The following COL9A2 variants were observed in gnomAD, a reference collection of about 807,000 sequenced individuals.
The protein encoded by COL9A2 is collagen type IX alpha 2 chain, also known as collagen alpha-2(IX) chain.
Under a neutral mutation model 111.6 loss-of-function variants are expected in COL9A2, and 66 were observed. That is an observed-to-expected ratio of 0.59 (90% CI 0.48 to 0.73). The LOEUF is 0.73. Ranked by LOEUF, COL9A2 falls within the 30% of genes least tolerant of loss-of-function variation. COL9A2 has a pLI of 0.00. For synonymous variants in COL9A2, 353 were observed against 364.1 expected (o/e 0.97, Z 0.35); for missense variants, 881 against 954.1 (o/e 0.92, Z 1.01).
intron 16 of COL9A2, 91 bp downstream of exon 16, chr1:40,309,847 G>A (rs1644090906): frequency 4.0e-6 from 5 of 1,244,812 alleles, no homozygotes; most frequent in Non-Finnish European, 5.9e-6. Flanking sequence ...ACACACTCAT[G>A]CACTCTCACA....
At position 40,304,325 on chromosome 1, in the gene COL9A2, C is replaced by G. The variant is rs375240237; in HGVS notation, c.1282G>C (p.Asp428His). Residue 428 changes from aspartate to histidine, a missense_variant, in exon 24 of 32, where the codon GAC (aspartate) becomes CAC (histidine). Asp to His is a moderately conservative substitution (Grantham distance 81). Transcript: ENST00000372748. ...TTCCCAGCCCCATCTGGCACCTTGT[C>G]TCCTTTGACGCCTGGCAAGCCTTGG... is the stretch of plus-strand genomic sequence containing the variant. ...GPQGLPGVKGDKGSPGKTGPR... is the reference protein window; with the variant it reads ...GPQGLPGVKGHKGSPGKTGPR... 9.7e-5 allele frequency: 151 copies of G among 1,561,060 alleles called. No individual in the cohort carries two copies. The highest frequency in any genetic ancestry group is 1.2e-4 in the Non-Finnish European group (142 of 1,151,906).
Position 40,307,613 on chromosome 1 carries a change from A to G in COL9A2, c.954+90T>C. On this transcript the variant is annotated intron_variant, in intron 18 of 31. Coordinates refer to ENST00000372748, the MANE Select transcript of COL9A2 (RefSeq NM_001852.4). This position sits in a 1 kb window ranked among gnomAD's most constrained non-coding sequence, Gnocchi z 4.8. The stretch of plus-strand genomic sequence containing the variant: ...TCCAGAGGCAAGAAAGGGCATGTCC[A>G]TGACCTGAGGACCCCAGGCTCTTGG... 5 of 1,587,830 alleles carry G rather than the reference A, an allele frequency of 3.1e-6. No individual in the cohort carries two copies. Among genetic ancestry groups the G allele is most frequent in the South Asian group, 1.1e-5 (1 of 89,218 alleles).
intron 19 of COL9A2, among the ~76,000 whole-genome samples, chr1:40,306,621 AG>A (rs960973291): frequency 7.8e-6 from 1 of 127,912 alleles, no homozygotes; most frequent in Non-Finnish European, 1.6e-5. Context: ...CATTTCAAAC[AG>A]AGGGACCAGC....
chr1:40,304,466 C>T lies in COL9A2; in HGVS notation c.1215+10G>A. 6.2e-7 allele frequency: 1 copy of T among 1,614,150 alleles called. No homozygotes were observed. On this transcript the variant is annotated intron_variant, in intron 23 of 31. Coordinates refer to ENST00000372748, the MANE Select transcript of COL9A2 (RefSeq NM_001852.4). Reference sequence around the variant, plus strand: ...TGACGCCCTGCCCACCTTAGCTGGCCTGCACTCACCTGCCTTCCCTGAGGG... The same window carrying T: ...TGACGCCCTGCCCACCTTAGCTGGCTTGCACTCACCTGCCTTCCCTGAGGG...
chr1:40,304,046 A>G lies in COL9A2; in HGVS notation c.1323+18T>C, dbSNP rs186166446. 6.3e-7 allele frequency: 1 copy of G among 1,578,888 alleles called. No homozygotes were observed. Among genetic ancestry groups the G allele is most frequent in the East Asian group, 2.3e-5 (1 of 43,486 alleles). Reference sequence around the variant, plus strand: ...AGCAGGGTTGGGGGTCGCTGGGAACAGGGGTGCTGGAACTCACCACTTTGC... The same window carrying G: ...AGCAGGGTTGGGGGTCGCTGGGAACGGGGGTGCTGGAACTCACCACTTTGC... On this transcript the variant is annotated intron_variant, in intron 25 of 31. Coordinates refer to ENST00000372748, the MANE Select transcript of COL9A2 (RefSeq NM_001852.4).
Position 40,300,963 on chromosome 1 carries a change from C to T in COL9A2, c.*219G>A. On this transcript the variant is annotated 3_prime_UTR_variant, in exon 32 of 32. Coordinates refer to ENST00000372748, the MANE Select transcript of COL9A2 (RefSeq NM_001852.4). This position sits in a 1 kb window ranked among gnomAD's most constrained non-coding sequence, Gnocchi z 4.4. ...TCCTTCAGCGCTTCGACTCCATCGA[C>T]ACCACTTGCCCTGTGTGTTGGCCTC... is the stretch of plus-strand genomic sequence containing the variant. 1 of 559,798 alleles carries T rather than the reference C, an allele frequency of 1.8e-6. No homozygotes were observed. The highest frequency in any genetic ancestry group is 3.2e-6 in the Non-Finnish European group (1 of 313,348). The allele number at this position is 559,798 out of a possible 1,614,324, so 34.7% of individuals were successfully genotyped here. A position where few individuals can be genotyped will look rare whatever the true frequency, so the allele number is the denominator to read the frequency against.
chr1:40,308,715 T>C (rs147110353), intron 16 of COL9A2, among the ~76,000 whole-genome samples: 1 of 152,182 alleles, frequency 6.6e-6, no homozygotes, highest in Non-Finnish European at 1.5e-5. Context: ...TGAGAATGAG[T>C]GCTTATTGTT....
chr1:40,312,667 T>C lies in COL9A2; in HGVS notation c.304-58A>G. 1 of 1,599,204 alleles carries C rather than the reference T, an allele frequency of 6.3e-7. No individual in the cohort carries two copies. ...GGGTTTCCCCGGCTCCTACTTCCTC[T>C]CTACAGCCACTCCCAAACGCTGGCC... On this transcript the variant is annotated intron_variant, in intron 5 of 31. Coordinates refer to ENST00000372748, the MANE Select transcript of COL9A2 (RefSeq NM_001852.4). The surrounding 1 kb of genome is among the most constrained non-coding windows in gnomAD (Gnocchi z 6.0).
In COL9A2 at chr1:40,312,257, G is replaced by T; in HGVS notation, c.364-145C>A. On this transcript the variant is annotated intron_variant, in intron 7 of 31. Coordinates refer to ENST00000372748, the MANE Select transcript of COL9A2 (RefSeq NM_001852.4). This position sits in a 1 kb window ranked among gnomAD's most constrained non-coding sequence, Gnocchi z 6.0. Reference sequence around the variant, plus strand: ...ACCCCAGAGAGACTGACAGACTGAGGCTTTAAGGACCAGAGAATTGCAGAG... The same window carrying T: ...ACCCCAGAGAGACTGACAGACTGAGTCTTTAAGGACCAGAGAATTGCAGAG... The T allele has an allele frequency of 2.0e-6, 2 of 1,023,032 alleles. No individual in the cohort carries two copies. Among genetic ancestry groups the T allele is most frequent in the Non-Finnish European group, 3.0e-6 (2 of 677,402 alleles). 63.4% of individuals were successfully genotyped at this position (1,023,032 alleles called of 1,614,324 possible). A position where few individuals can be genotyped will look rare whatever the true frequency, so the allele number is the denominator to read the frequency against.
In COL9A2 at chr1:40,304,805, T is replaced by G. The variant is rs145327896; in HGVS notation, c.1150A>C (p.Met384Leu). 2,041 of 1,550,918 alleles carry G rather than the reference T, an allele frequency of 1.3e-3. 22 individuals are homozygous for G. The African/African-American group carries it at 0.023, about 18-fold the overall frequency. The change falls in exon 22 of 32, where the codon ATG becomes CTG. Residue 384 changes from methionine to leucine, a missense_variant. By Grantham distance (15) the Met-to-Leu change is conservative. Coordinates refer to ENST00000372748, the MANE Select transcript of COL9A2 (RefSeq NM_001852.4). Reference sequence around the variant, plus strand: ...TGCCAGGCACTTACCTTCTGTCCCATGATGCCCTGGGGACCAATTTCTCCT... The same window carrying G: ...TGCCAGGCACTTACCTTCTGTCCCAGGATGCCCTGGGGACCAATTTCTCCT... ...PRGEIGPQGIMGQKGDQGERG... is the reference protein window; with the variant it reads ...PRGEIGPQGILGQKGDQGERG...
Position 40,307,495 on chromosome 1 carries a change from C to T in COL9A2, c.959G>A (p.Ser320Asn), listed in dbSNP as rs1644048891. 2 of 1,614,204 alleles carry T rather than the reference C, an allele frequency of 1.2e-6. No individual in the cohort carries two copies. Among genetic ancestry groups the T allele is most frequent in the African/African-American group, 1.3e-5 (1 of 75,066 alleles). ...GTPGTPGMKG[S>N]AGQAGQPGSP... ...TCCGGGCTGTCCCGCCTGTCCTGCA[C>T]TGCCCTGGGATAGACAGATAACCAA... Residue 320 changes from serine (S) to asparagine (N), a missense_variant, in exon 19 of 32, where the codon AGT becomes AAT. By Grantham distance (46) the Ser-to-Asn change is conservative (BLOSUM62 1). Transcript: ENST00000372748. This position sits in a 1 kb window ranked among gnomAD's most constrained non-coding sequence, Gnocchi z 4.8.
chr1:40,311,276 T>G lies in COL9A2; in HGVS notation c.530A>C (p.Asn177Thr). The G allele has an allele frequency of 6.2e-7, 1 of 1,614,074 alleles. No individual in the cohort carries two copies. Among genetic ancestry groups the G allele is most frequent in the Non-Finnish European group, 8.5e-7 (1 of 1,179,978 alleles). ...GGGACCTTTCATTCCGGGTGGACAG[T>G]TGGTTGGACACTGGAAACAGAAAAT... The part of the protein sequence containing the change: ...EGSADFLCPT[N>T]CPPGMKGPPG... Residue 177 changes from asparagine (N) to threonine (T), a missense_variant, in exon 11 of 32, where the codon AAC (asparagine) becomes ACC (threonine). By Grantham distance (65) the Asn-to-Thr change is moderately conservative. Coordinates refer to ENST00000372748, the MANE Select transcript of COL9A2 (RefSeq NM_001852.4). The surrounding 1 kb of genome is among the most constrained non-coding windows in gnomAD (Gnocchi z 5.1).
chr1:40,306,635 A>G (rs1259985345), intron 19 of COL9A2, among the ~76,000 whole-genome samples: 1 of 152,118 alleles, frequency 6.6e-6, no homozygotes, highest in African/African-American at 2.4e-5. Context: ...GGACCAGCAA[A>G]GGCCTAAAGG....
Position 40,303,736 on chromosome 1 carries a change from TG to T in COL9A2, c.1402-61del, listed in dbSNP as rs1368187170. 3.5e-6 allele frequency: 2 copies of T among 569,250 alleles called. No individual in the cohort carries two copies. The highest frequency in any genetic ancestry group is 5.0e-6 in the Non-Finnish European group (2 of 403,156). 35.3% of individuals were successfully genotyped at this position (569,250 alleles called of 1,614,324 possible). ...GAGAAGGCGCCCGGGTGGGCGAGAGTGGGGGGTGGGGGTCGAGGAAGGGAGT... is the reference window on the plus strand; with the variant it reads ...GAGAAGGCGCCCGGGTGGGCGAGAGTGGGGGTGGGGGTCGAGGAAGGGAGT... On this transcript the variant is annotated intron_variant, in intron 27 of 31. Transcript: ENST00000372748. The surrounding 1 kb of genome is among the most constrained non-coding windows in gnomAD (Gnocchi z 4.6).
At chr1:40,301,538 C>A (rs1042535928) in intron 31 of COL9A2, among the ~76,000 whole-genome samples, 157 bp from the exon 32 acceptor site, 1 of 152,182 alleles carries the variant, frequency 6.6e-6, no homozygotes, top group African/African-American at 2.4e-5. Flanking sequence ...TTGTCCCCTA[C>A]CCCCAGCTCC....
intron 16 of COL9A2, 83 bp downstream of exon 16, chr1:40,309,853 TCA>T: frequency 7.4e-6 from 10 of 1,358,304 alleles, no homozygotes; most frequent in Admixed American, 1.7e-5. Context: ...TCATGCACTC[TCA>T]CACACACAGC....
At chr1:40,302,000 TAGAGG>T in intron 30 of COL9A2, 111 bp from the exon 31 acceptor site, 1 of 1,132,452 alleles carries the variant, frequency 8.8e-7, no homozygotes, top group Non-Finnish European at 1.3e-6. Context: ...TAGTTTGTAA[TAGAGG>T]AAAGTTGGAA....
rs1315612495 is a variant in COL9A2 at position 40,316,451 on chromosome 1, A to G, written c.75+672T>C. ...TCATATCAAGATGAGGCGAGCTCAC[A>G]GCTGGAGAGTCTCCATCCTGCTGCC... On this transcript the variant is annotated intron_variant, in intron 1 of 31. Coordinates refer to ENST00000372748, the MANE Select transcript of COL9A2 (RefSeq NM_001852.4). The surrounding 1 kb of genome is among the most constrained non-coding windows in gnomAD (Gnocchi z 5.5). Among the ~76,000 whole-genome samples, 1 of 152,214 alleles carries G rather than the reference A, an allele frequency of 6.6e-6. No homozygotes were observed. Among genetic ancestry groups the G allele is most frequent in the African/African-American group, 2.4e-5 (1 of 41,466 alleles).
Position 40,303,523 on chromosome 1 carries a change from G to C in COL9A2, c.1548+7C>G. ...AGAAGCACCTCCTACCCCGGGGCCC[G>C]ACTCACCTCCACGCCCTGTCTCCCG... On this transcript the variant is annotated splice_region_variant and intron_variant, in intron 28 of 31. Transcript: ENST00000372748. The surrounding 1 kb of genome is among the most constrained non-coding windows in gnomAD (Gnocchi z 4.6). 6.2e-7 allele frequency: 1 copy of C among 1,612,768 alleles called. No individual in the cohort carries two copies. The highest frequency in any genetic ancestry group is 8.5e-7 in the Non-Finnish European group (1 of 1,179,830).
Sources: gnomAD v4.1 joint callset for allele counts (sites outside exome capture counted in the v4.1 genomes callset) on GRCh38, gnomAD v4.1.1 for gene constraint, Gnocchi (gnomAD v3.1) non-coding constraint, MANE v1.5 for transcripts, NCBI Gene and HGNC (gene_info 2026-07-23, HGNC 2026-07-21) for gene names.